DSC2: variants seen among roughly 807,000 people sequenced by gnomAD.
DSC2 encodes the protein desmocollin 2.
A neutral mutation model predicts 87.6 loss-of-function variants in DSC2; 51 were observed. The ratio of observed to expected loss-of-function variants is 0.58; its 90% CI spans 0.46 to 0.74. DSC2 has a LOEUF of 0.74. Ranked by LOEUF, DSC2 falls within the 30% of genes least tolerant of loss-of-function variation. The pLI is 0.00. For synonymous variants in DSC2, 383 were observed against 393.2 expected, an observed-to-expected ratio of 0.97 and a Z score of 0.31; for missense variants, 1,066 against 1,089.5, an observed-to-expected ratio of 0.98 and a Z score of 0.30.
chr18:31,084,984 G>GTACT (rs1987349462), intron 7 of DSC2, among the ~76,000 whole-genome samples: 1 of 152,082 alleles, frequency 6.6e-6, no homozygotes, highest in African/African-American at 2.4e-5. Flanking sequence ...ATAGAATGAT[G>GTACT]TACTGGTAAA....
In DSC2 at chr18:31,062,462, A is replaced by G. The variant is rs182934504; in HGVS notation, c.*5553T>C. The G allele has an allele frequency of 6.6e-6, 1 of 152,328 alleles. No homozygotes were observed. The highest frequency in any genetic ancestry group is 2.4e-5 in the African/African-American group (1 of 41,576). The allele number at this position is 152,328 out of a possible 1,614,324, so 9.4% of individuals were successfully genotyped here. On this transcript the variant is annotated 3_prime_UTR_variant, in exon 16 of 16. Coordinates refer to ENST00000280904, the MANE Select transcript of DSC2 (RefSeq NM_024422.6). Reference sequence around the variant, plus strand: ...CAATGATGAAGTGACAGTCGCAAACATAATTTTCACATTGGCTAAAAATTT... The same window carrying G: ...CAATGATGAAGTGACAGTCGCAAACGTAATTTTCACATTGGCTAAAAATTT...
Position 31,092,015 on chromosome 18 carries a change from T to G in DSC2, c.354+86A>C, listed in dbSNP as rs1048431576. The G allele has an allele frequency of 6.4e-6, 9 of 1,409,872 alleles. No individual in the cohort carries two copies. In the African/African-American group the frequency reaches 1.3e-4, roughly 20 times the overall value. 87.3% of individuals were successfully genotyped at this position (1,409,872 alleles called of 1,614,324 possible). A position where few individuals can be genotyped will look rare whatever the true frequency, so the allele number is the denominator to read the frequency against. The stretch of plus-strand genomic sequence containing the variant: ...CGTCTTTAAGCCAAACTATACCATA[T>G]CCTTTCTGATTTCATATCTTCCCTG... On this transcript the variant is annotated intron_variant, in intron 3 of 15. Transcript: ENST00000280904.
chr18:31,095,132 C>T (rs1021828756), intron 1 of DSC2, among the ~76,000 whole-genome samples: 6 of 152,202 alleles, frequency 3.9e-5, no homozygotes, highest in Admixed American at 6.5e-5. Flanking sequence ...AGGGTGACAA[C>T]GAGAATACCT....
intron 11 of DSC2, among the ~76,000 whole-genome samples, chr18:31,076,734 T>A (rs1032262860): frequency 6.6e-6 from 1 of 152,184 alleles, no homozygotes; most frequent in African/African-American, 2.4e-5. Flanking sequence ...GCTTTTCAGA[T>A]TGAAAGTATT....
chr18:31,083,141 T>C, intron 7 of DSC2, 81 bp from the exon 8 acceptor site: 1 of 1,507,764 alleles, frequency 6.6e-7, no homozygotes, highest in Non-Finnish European at 9.0e-7. Context: ...TCCATAATTT[T>C]TTTGCACTAA....
chr18:31,068,271 T>G, intron 15 of DSC2, 59 bp from the exon 16 acceptor site: 1 of 1,612,704 alleles, frequency 6.2e-7, no homozygotes, highest in Non-Finnish European at 8.5e-7. Context: ...CAAAATTTAC[T>G]AACATAAAAG....
In DSC2 at chr18:31,086,704, C is replaced by T. The variant is rs760350556; in HGVS notation, c.814G>A (p.Glu272Lys). The T allele has an allele frequency of 6.2e-7, 1 of 1,614,096 alleles. No homozygotes were observed. Among genetic ancestry groups the T allele is most frequent in the South Asian group, 1.1e-5 (1 of 91,082 alleles). The change falls in exon 7 of 16, where the codon GAG (glutamate) becomes AAG (lysine). Residue 272 changes from glutamate to lysine, a missense_variant. By Grantham distance (56) the Glu-to-Lys change is moderately conservative (BLOSUM62 1). Transcript: ENST00000280904. ...AGGCGTGTGTGCATCGTGTCAGGCT[C>T]ATCTTTGTCAGTAGCACACACTTGT... ...VGQVCATDKD[E>K]PDTMHTRLKY... is the part of the protein sequence containing the mutation.
At chr18:31,097,685 T>G (rs1194587735) in intron 1 of DSC2, among the ~76,000 whole-genome samples, 1 of 151,894 alleles carries the variant, frequency 6.6e-6, no homozygotes, top group Admixed American at 6.5e-5. Flanking sequence ...GGCATATGAA[T>G]AGAATGATAT....
chr18:31,070,866 A>C lies in DSC2; in HGVS notation c.2126-16T>G. ...AACAGGATGCCTGGAGGAAGAAAGA[A>C]ATATACTTGAGTTTATCATAAAATA... is the stretch of plus-strand genomic sequence containing the variant. On this transcript the variant is annotated splice_polypyrimidine_tract_variant and intron_variant, in intron 13 of 15. Transcript: ENST00000280904. 2 of 1,613,312 alleles carry C rather than the reference A, an allele frequency of 1.2e-6. No individual in the cohort carries two copies.
rs200067684 is a variant in DSC2 at position 31,071,870 on chromosome 18, A to G, written c.1889-29T>C. On this transcript the variant is annotated intron_variant, in intron 12 of 15. Transcript: ENST00000280904. Reference sequence around the variant, plus strand: ...AAAATATAAATAAATAAAACCAAACATTATACAATGTCACTGATTTCTTCT... The same window carrying G: ...AAAATATAAATAAATAAAACCAAACGTTATACAATGTCACTGATTTCTTCT... 4.1e-4 allele frequency: 638 copies of G among 1,548,750 alleles called. 1 individual carries two copies. In the African/African-American group the frequency reaches 7.7e-3, roughly 19 times the overall value.
Position 31,101,956 on chromosome 18 carries a change from G to A in DSC2, c.16C>T (p.Pro6Ser). 5.9e-6 allele frequency: 9 copies of A among 1,526,766 alleles called. No homozygotes were observed. The highest frequency in any genetic ancestry group is 7.0e-6 in the Non-Finnish European group (8 of 1,142,594). 94.6% of individuals were successfully genotyped at this position (1,526,766 alleles called of 1,614,324 possible). Residue 6 changes from proline (P) to serine (S), a missense_variant, in exon 1 of 16, where the codon CCC becomes TCC. Physicochemically the swap from Pro to Ser is moderately conservative, Grantham distance 74. Transcript: ENST00000280904. ...AGGGCTCCGTTCCAGGAGCCGGAGG[G>A]GCGGGCTGCCTCCATGGAGAGGGCT... is the stretch of plus-strand genomic sequence containing the variant. MEAAR[P>S]SGSWNGALCR...
At chr18:31,087,625 G>T in intron 6 of DSC2, 44 bp downstream of exon 6, 1 of 1,586,486 alleles carries the variant, frequency 6.3e-7, no homozygotes, top group Non-Finnish European at 8.6e-7. Flanking sequence ...TGTATGAATT[G>T]AAACACAGTT....
chr18:31,071,680 T>C lies in DSC2; in HGVS notation c.2050A>G (p.Arg684Gly). The C allele has an allele frequency of 6.3e-7, 1 of 1,590,302 alleles. No individual in the cohort carries two copies. The highest frequency in any genetic ancestry group is 1.7e-5 in the Admixed American group (1 of 57,886). ...AGTTGTACTCCTCCACCGCCAATCC[T>C]TGGATCTACACGATGTGTGCAGTCA... is the stretch of plus-strand genomic sequence containing the variant. ...ENDCTHRVDP[R>G]IGGGGVQLGK... is the part of the protein sequence containing the mutation. The change falls in exon 13 of 16, where the codon AGG becomes GGG. Residue 684 changes from arginine (R) to glycine (G), a missense_variant. Transcript: ENST00000280904.
chr18:31,097,287 CAA>C (rs561171723), intron 1 of DSC2, among the ~76,000 whole-genome samples: 24 of 73,962 alleles, frequency 3.2e-4, no homozygotes, highest in East Asian at 3.7e-4. Context: ...GACTCAGTCT[CAA>C]AAAAAAAAAA....
chr18:31,101,759 C>CCCCCCA, intron 1 of DSC2, 144 bp downstream of exon 1: 1 of 661,972 alleles, frequency 1.5e-6, no homozygotes. Flanking sequence ...TCCCCCACCC[C>CCCCCCA]CGCCAACTCC....
At position 31,092,282 on chromosome 18, in the gene DSC2, A is replaced by C; in HGVS notation, c.173T>G (p.Phe58Cys). The change falls in exon 3 of 16, where the codon TTT becomes TGT. Residue 58 changes from phenylalanine to cysteine, a missense_variant. By Grantham distance (205) the Phe-to-Cys change is radical. Coordinates refer to ENST00000280904, the MANE Select transcript of DSC2 (RefSeq NM_024422.6). ...LVGRVNLKEC[F>C]TAANLIHSSD... Reference sequence around the variant, plus strand: ...TGAATGAATTAGATTTGCAGCTGTAAAGCACTCTTTCAGGTTAACTGTAGA... The same window carrying C: ...TGAATGAATTAGATTTGCAGCTGTACAGCACTCTTTCAGGTTAACTGTAGA... 2 of 1,613,600 alleles carry C rather than the reference A, an allele frequency of 1.2e-6. No homozygotes were observed. Among genetic ancestry groups the C allele is most frequent in the Non-Finnish European group, 1.7e-6 (2 of 1,179,684 alleles).
rs1458351294 is a variant in DSC2, at chr18:31,074,843, G to C, written c.1728C>G (p.Phe576Leu). The C allele has an allele frequency of 6.2e-7, 1 of 1,613,948 alleles. No individual in the cohort carries two copies. The highest frequency in any genetic ancestry group is 2.2e-5 in the East Asian group (1 of 44,816). ...AGATGATCACTGTCTTTTTAGGTAT[G>C]AATGGGCTGTTATCATTCACGTCTT... Reference protein sequence around the residue: ...ILQDVNDNSPFIPKKTVIICK... With the variant: ...ILQDVNDNSPLIPKKTVIICK... The change falls in exon 12 of 16, where the codon TTC becomes TTG. Residue 576 changes from phenylalanine (F) to leucine (L), a missense_variant. Transcript: ENST00000280904.
Position 31,074,731 on chromosome 18 carries a change from T to C in DSC2, c.1840A>G (p.Ser614Gly), listed in dbSNP as rs1986952876. 6.2e-7 allele frequency: 1 copy of C among 1,613,952 alleles called. No individual in the cohort carries two copies. The highest frequency in any genetic ancestry group is 8.5e-7 in the Non-Finnish European group (1 of 1,179,956). ...ATTCTCTGTACTTCTGAAGTAGAAC[T>C]CTCCAGACTAAAGTCAAAGGGTGGG... ...HGPPFDFSLESSTSEVQRMWR... is the reference protein window; with the variant it reads ...HGPPFDFSLEGSTSEVQRMWR... The change falls in exon 12 of 16, where the codon AGT (serine) becomes GGT (glycine). Residue 614 changes from serine to glycine, a missense_variant. Coordinates refer to ENST00000280904, the MANE Select transcript of DSC2 (RefSeq NM_024422.6).
At chr18:31,082,052 A>T (rs547625347) in intron 9 of DSC2, among the ~76,000 whole-genome samples, 186 bp downstream of exon 9, 1 of 151,958 alleles carries the variant, frequency 6.6e-6, no homozygotes, top group East Asian at 1.9e-4. Context: ...AAAAAAAAAA[A>T]TACCTAAACA....
Sources: allele counts gnomAD v4.1 joint callset (sites outside exome capture counted in the v4.1 genomes callset), GRCh38; gene constraint gnomAD v4.1.1; transcripts MANE v1.5; gene names NCBI Gene and HGNC (gene_info 2026-07-23, HGNC 2026-07-21).